Variants in SETBP1 observed in about 807,000 individuals in gnomAD.
SETBP1 encodes the protein SET-binding protein.
Under a neutral mutation model 101.0 loss-of-function variants are expected in SETBP1, and 9 were observed. The observed-to-expected ratio is 0.09, with a 90% CI of 0.05 to 0.16. SETBP1 has a LOEUF of 0.16. Among genes scored for constraint, SETBP1 ranks in the 10% least tolerant of loss-of-function variants. The probability of loss-of-function intolerance (pLI) is 1.00; values close to 1 mark genes in which losing one functional copy is unlikely to be tolerated. For synonymous variants in SETBP1, 818 were observed against 788.5 expected (o/e 1.04, Z -0.63); for missense variants, 1,858 against 2,033.8 (o/e 0.91, Z 1.66).
chr18:44,795,230 G>A (rs1344998844), intron 2 of SETBP1, among the ~76,000 whole-genome samples: 1 of 152,136 alleles, frequency 6.6e-6, no homozygotes, highest in African/African-American at 2.4e-5. Context: ...TTATTAAAAT[G>A]CCACAGTGAT....
intron 2 of SETBP1, among the ~76,000 whole-genome samples, chr18:44,858,528 G>A (rs540537942): frequency 6.6e-6 from 1 of 152,354 alleles, no homozygotes; most frequent in South Asian, 2.1e-4. Flanking sequence ...TAATATTTCT[G>A]ATAAAAACTG....
intron 4 of SETBP1, among the ~76,000 whole-genome samples, chr18:44,964,808 G>C (rs766329194): frequency 6.6e-6 from 1 of 152,098 alleles, no homozygotes; most frequent in Admixed American, 6.5e-5. Flanking sequence ...GCCACACCCT[G>C]TCCTTTGCCT....
At chr18:44,764,948 G>C (rs2070734972) in intron 2 of SETBP1, among the ~76,000 whole-genome samples, 1 of 152,224 alleles carries the variant, frequency 6.6e-6, no homozygotes, top group Admixed American at 6.5e-5. Flanking sequence ...GCCTGGCACA[G>C]AGTGCATGTT....
chr18:44,964,094 G>A (rs1485672384), intron 4 of SETBP1, among the ~76,000 whole-genome samples: 1 of 151,486 alleles, frequency 6.6e-6, no homozygotes, highest in Non-Finnish European at 1.5e-5. Context: ...CTGGGATGTA[G>A]GCTGGAGAAA....
intron 2 of SETBP1, among the ~76,000 whole-genome samples, chr18:44,760,724 AT>A (rs2070618924): frequency 6.6e-6 from 1 of 152,148 alleles, no homozygotes; most frequent in African/African-American, 2.4e-5. Flanking sequence ...CTAGAATTTG[AT>A]TTTTTTATAA....
In SETBP1 at chr18:44,965,663, T is replaced by C. The variant is rs1194680686; in HGVS notation, c.4000+12323T>C. On this transcript the variant is annotated intron_variant, in intron 4 of 5. Coordinates refer to ENST00000649279, the MANE Select transcript of SETBP1 (RefSeq NM_015559.3). The stretch of plus-strand genomic sequence containing the variant: ...TTCCAGGAGATTTCTTAAATCTCCA[T>C]GGACAATGCAAGCATCACAGAGAGT... Among the ~76,000 whole-genome samples, 4 of 152,322 alleles carry C rather than the reference T, an allele frequency of 2.6e-5. No individual in the cohort carries two copies. In the East Asian group the frequency reaches 7.7e-4, roughly 29 times the overall value.
intron 5 of SETBP1, among the ~76,000 whole-genome samples, chr18:45,049,245 A>G (rs1286597079): frequency 6.6e-6 from 1 of 152,198 alleles, no homozygotes; most frequent in Non-Finnish European, 1.5e-5. Flanking sequence ...TGAATTAGGT[A>G]AGCAGACAGA....
intron 2 of SETBP1, among the ~76,000 whole-genome samples, chr18:44,854,573 T>C (rs939998167): frequency 6.6e-6 from 1 of 152,180 alleles, no homozygotes; most frequent in East Asian, 1.9e-4. Context: ...ATGCCTACCC[T>C]ACCACCTACC....
chr18:44,759,882 G>A (rs767974590), intron 2 of SETBP1, among the ~76,000 whole-genome samples: 2 of 152,186 alleles, frequency 1.3e-5, no homozygotes, highest in Non-Finnish European at 2.9e-5. Flanking sequence ...AAAAACTGAC[G>A]TCTGCATCCT....
At chr18:44,924,603 C>G (rs1315751296) in intron 3 of SETBP1, among the ~76,000 whole-genome samples, 2 of 152,082 alleles carry the variant, frequency 1.3e-5, no homozygotes, top group East Asian at 3.8e-4. Flanking sequence ...CTTTTCCTAC[C>G]ATGCCCCCTG....
At chr18:44,834,204 A>C (rs1309875946) in intron 2 of SETBP1, among the ~76,000 whole-genome samples, 1 of 152,178 alleles carries the variant, frequency 6.6e-6, no homozygotes, top group African/African-American at 2.4e-5. Context: ...GGTTACCTTC[A>C]GTTTCACCTT....
At chr18:44,816,309 C>G (rs928392183) in intron 2 of SETBP1, among the ~76,000 whole-genome samples, 1 of 152,052 alleles carries the variant, frequency 6.6e-6, no homozygotes, top group African/African-American at 2.4e-5. Context: ...CAGGTGCAAG[C>G]AAAGGCTACA....
chr18:44,957,497 T>G (rs939356986), intron 4 of SETBP1, among the ~76,000 whole-genome samples: 2 of 152,076 alleles, frequency 1.3e-5, no homozygotes, highest in South Asian at 2.1e-4. Context: ...TCATGATGAG[T>G]GGATTCTGAG....
intron 4 of SETBP1, among the ~76,000 whole-genome samples, chr18:44,979,085 A>T (rs1445856986): frequency 6.6e-6 from 1 of 152,156 alleles, no homozygotes; most frequent in African/African-American, 2.4e-5. Context: ...ACAGAGGTTG[A>T]GTAGGAGACC....
intron 2 of SETBP1, among the ~76,000 whole-genome samples, chr18:44,719,388 C>T (rs1410663182): frequency 2.0e-5 from 3 of 152,046 alleles, no homozygotes; most frequent in African/African-American, 7.2e-5. Flanking sequence ...TGCGTATGGG[C>T]GGCACCAGGA....
intron 2 of SETBP1, among the ~76,000 whole-genome samples, chr18:44,741,098 A>G (rs1208760953): frequency 6.6e-6 from 1 of 152,240 alleles, no homozygotes; most frequent in Non-Finnish European, 1.5e-5. Context: ...AAAATTGGGC[A>G]TTCATTCAGT....
At chr18:45,038,323 A>G (rs2073440079) in intron 4 of SETBP1, among the ~76,000 whole-genome samples, 162 bp from the exon 5 acceptor site, 1 of 152,226 alleles carries the variant, frequency 6.6e-6, no homozygotes, top group Non-Finnish European at 1.5e-5. Context: ...AACCAGTCAT[A>G]GCTATTTTTT....
At chr18:44,911,408 A>T (rs925245952) in intron 3 of SETBP1, among the ~76,000 whole-genome samples, 5 of 152,142 alleles carry the variant, frequency 3.3e-5, no homozygotes, top group African/African-American at 1.2e-4. Flanking sequence ...GAAATCCACT[A>T]CTCTGGTTCT....
chr18:44,729,779 A>G (rs1248526671), intron 2 of SETBP1, among the ~76,000 whole-genome samples: 1 of 152,214 alleles, frequency 6.6e-6, no homozygotes, highest in Non-Finnish European at 1.5e-5. Flanking sequence ...ACAAGCATTT[A>G]AAAGATAAGC....
Sources: allele counts gnomAD v4.1 joint callset (sites outside exome capture counted in the v4.1 genomes callset), GRCh38; gene constraint gnomAD v4.1.1; transcripts MANE v1.5; gene names NCBI Gene and HGNC (gene_info 2026-07-23, HGNC 2026-07-21).